AHI1: variants seen among roughly 807,000 people sequenced by gnomAD.
The protein encoded by AHI1 is Abelson helper integration site 1.
In AHI1, 123 loss-of-function variants were observed where a neutral mutation model predicts 149.3. That is an observed-to-expected ratio of 0.82 (90% CI 0.71 to 0.96). AHI1 has a LOEUF of 0.96. Among genes scored for constraint, AHI1 ranks in the 40% least tolerant of loss-of-function variants. The pLI is 0.00. For missense variants in AHI1, 1,439 were observed against 1,422.7 expected (o/e 1.01, Z -0.18); for synonymous variants, 475 against 459.8 (o/e 1.03, Z -0.42).
intron 20 of AHI1, among the ~76,000 whole-genome samples, chr6:135,413,481 A>AT (rs1375718030): frequency 6.6e-6 from 1 of 151,998 alleles, no homozygotes; most frequent in Non-Finnish European, 1.5e-5. Context: ...TATAAAAGAA[A>AT]AAAAAAAAAC....
intron 24 of AHI1, among the ~76,000 whole-genome samples, chr6:135,338,924 T>TG (rs1789846377): frequency 1.3e-5 from 2 of 151,228 alleles, no homozygotes; most frequent in South Asian, 4.2e-4. Flanking sequence ...GAGCTCATCT[T>TG]TCCTTTTTTT....
chr6:135,307,141 T>A (rs911817819), intron 26 of AHI1: 4 of 152,076 alleles, frequency 2.6e-5, no homozygotes, highest in Non-Finnish European at 5.9e-5. Flanking sequence ...AAAATTCAAA[T>A]AAAAGAGTAA....
At chr6:135,365,993 A>G (rs773313208) in intron 23 of AHI1, among the ~76,000 whole-genome samples, 81 of 152,040 alleles carry the variant, frequency 5.3e-4, no homozygotes, top group Middle Eastern at 3.2e-3. Context: ...CTTCTACATC[A>G]ATTTTGCTGA....
intron 23 of AHI1, among the ~76,000 whole-genome samples, chr6:135,364,338 G>A (rs2128446714): frequency 6.6e-6 from 1 of 151,820 alleles, no homozygotes; most frequent in South Asian, 2.1e-4. Context: ...TGTGATGGCG[G>A]CCGGGAAGAG....
At chr6:135,462,842 A>C (rs967879890) in intron 8 of AHI1, among the ~76,000 whole-genome samples, 1 of 152,092 alleles carries the variant, frequency 6.6e-6, no homozygotes, top group Non-Finnish European at 1.5e-5. Flanking sequence ...TGGAGGTTGC[A>C]ATGAGCCGAG....
intron 21 of AHI1, among the ~76,000 whole-genome samples, chr6:135,408,438 C>G (rs1385707347): frequency 2.0e-5 from 3 of 151,828 alleles, no homozygotes; most frequent in Admixed American, 2.0e-4. Flanking sequence ...CAAAGAACTG[C>G]AATATTGAAA....
At chr6:135,288,156 C>G (rs1202716612) in intron 28 of AHI1, among the ~76,000 whole-genome samples, 1 of 151,886 alleles carries the variant, frequency 6.6e-6, no homozygotes, top group Non-Finnish European at 1.5e-5. Context: ...ACATTCAATC[C>G]AATAGATCTT....
chr6:135,481,123 C>T lies in AHI1; in HGVS notation c.135+9500G>A, dbSNP rs568302576. 9.1e-4 allele frequency among the ~76,000 whole-genome samples: 139 copies of T among 152,298 alleles called. 1 individual carries two copies. The highest frequency in any genetic ancestry group is 3.1e-3 in the African/African-American group (128 of 41,552). ...GACTTGAGCTAACACATTCAGCCCCCTTGGCATATGATGCTCTGCACTGCC... is the reference window on the plus strand; with the variant it reads ...GACTTGAGCTAACACATTCAGCCCCTTTGGCATATGATGCTCTGCACTGCC... On this transcript the variant is annotated intron_variant, in intron 5 of 28. Coordinates refer to ENST00000265602, the MANE Select transcript of AHI1 (RefSeq NM_001134831.2).
At chr6:135,317,068 A>G (rs1378517908) in intron 26 of AHI1, among the ~76,000 whole-genome samples, 1 of 152,052 alleles carries the variant, frequency 6.6e-6, no homozygotes, top group Non-Finnish European at 1.5e-5. Context: ...AATCCTGTCA[A>G]TTACAGCTTA....
intron 24 of AHI1, among the ~76,000 whole-genome samples, chr6:135,352,336 T>C (rs1290214750): frequency 6.6e-6 from 1 of 152,182 alleles, no homozygotes; most frequent in Non-Finnish European, 1.5e-5. Context: ...TCATCTACGC[T>C]GCTGCAGTCA....
At chr6:135,311,032 T>C (rs1172699528) in intron 26 of AHI1, among the ~76,000 whole-genome samples, 1 of 152,114 alleles carries the variant, frequency 6.6e-6, no homozygotes, top group Non-Finnish European at 1.5e-5. Flanking sequence ...CCAGGAGTGG[T>C]GGCTCACACT....
chr6:135,464,270 C>A (rs1790389649), intron 7 of AHI1, among the ~76,000 whole-genome samples: 1 of 152,136 alleles, frequency 6.6e-6, no homozygotes, highest in Admixed American at 6.5e-5. Flanking sequence ...GATCACATCA[C>A]CAAACCCTGT....
chr6:135,475,083 A>T (rs916138702), intron 5 of AHI1, among the ~76,000 whole-genome samples: 7 of 152,192 alleles, frequency 4.6e-5, no homozygotes, highest in Non-Finnish European at 8.8e-5. Context: ...CCGTTTTTTT[A>T]AAAGATATAT....
chr6:135,340,203 C>T (rs1482055556), intron 24 of AHI1, among the ~76,000 whole-genome samples: 9 of 152,066 alleles, frequency 5.9e-5, no homozygotes, highest in African/African-American at 1.9e-4. Context: ...AACCCTGTAT[C>T]TACTAAAAAT....
At chr6:135,434,319 C>T (rs1412045386) in intron 15 of AHI1, among the ~76,000 whole-genome samples, 2 of 151,874 alleles carry the variant, frequency 1.3e-5, no homozygotes, top group African/African-American at 4.8e-5. Flanking sequence ...AGTGAAAGAA[C>T]ATGTTTTCGA....
chr6:135,450,279 T>C (rs1449786161), intron 11 of AHI1, among the ~76,000 whole-genome samples: 1 of 152,110 alleles, frequency 6.6e-6, no homozygotes, highest in Admixed American at 6.5e-5. Flanking sequence ...AACTAAAAAA[T>C]GTTCAATATA....
chr6:135,375,998 G>A (rs541689298), intron 23 of AHI1, among the ~76,000 whole-genome samples: 1 of 149,776 alleles, frequency 6.7e-6, no homozygotes, highest in Admixed American at 6.7e-5. Context: ...CCAAATTGGG[G>A]ACAATTTGAG....
intron 28 of AHI1, among the ~76,000 whole-genome samples, chr6:135,288,312 G>C (rs1447815842): frequency 6.6e-6 from 1 of 152,008 alleles, no homozygotes; most frequent in Non-Finnish European, 1.5e-5. Flanking sequence ...AAGAGAAACA[G>C]CCCTGAACTT....
At chr6:135,428,897 T>A (rs1207758074) in intron 18 of AHI1, 138 bp from the exon 19 acceptor site, 2 of 725,372 alleles carry the variant, frequency 2.8e-6, no homozygotes, top group Non-Finnish European at 4.3e-6. Flanking sequence ...AGACATTCTA[T>A]AATATAATGG....
Sources: gnomAD v4.1 joint callset for allele counts (sites outside exome capture counted in the v4.1 genomes callset) on GRCh38, gnomAD v4.1.1 for gene constraint, MANE v1.5 for transcripts, NCBI Gene and HGNC (gene_info 2026-07-23, HGNC 2026-07-21) for gene names.